SELENOI: variants seen among roughly 807,000 people sequenced by gnomAD.
The protein encoded by SELENOI is ethanolaminephosphotransferase 1.
In SELENOI, 24 loss-of-function variants were observed where a neutral mutation model predicts 50.7. The observed-to-expected ratio is 0.47, with a 90% CI of 0.34 to 0.67. SELENOI has a LOEUF of 0.67. Among genes scored for constraint, SELENOI ranks in the 30% least tolerant of loss-of-function variants. SELENOI has a pLI of 0.01. For synonymous variants in SELENOI, 155 were observed against 170.2 expected (o/e 0.91, Z 0.70); for missense variants, 352 against 461.4 (o/e 0.76, Z 2.17).
intron 4 of SELENOI, among the ~76,000 whole-genome samples, chr2:26,371,550 C>G (rs1677447208): frequency 6.6e-6 from 1 of 152,236 alleles, no homozygotes; most frequent in Non-Finnish European, 1.5e-5. Context: ...GATCACGCCA[C>G]TGCACTCCAG....
intron 6 of SELENOI, among the ~76,000 whole-genome samples, chr2:26,378,916 A>C (rs1677625245): frequency 6.6e-6 from 1 of 152,156 alleles, no homozygotes; most frequent in Non-Finnish European, 1.5e-5. Flanking sequence ...AAAGAACCAC[A>C]ATTGATGTAT....
At chr2:26,353,248 T>G (rs1676997298) in intron 1 of SELENOI, among the ~76,000 whole-genome samples, 1 of 152,178 alleles carries the variant, frequency 6.6e-6, no homozygotes, top group South Asian at 2.1e-4. Context: ...TTTGCACAGG[T>G]CACTTCTCTT....
chr2:26,369,046 T>A (rs1266791301), intron 4 of SELENOI, among the ~76,000 whole-genome samples: 1 of 152,364 alleles, frequency 6.6e-6, no homozygotes, highest in Non-Finnish European at 1.5e-5. Flanking sequence ...TTAATCTGAA[T>A]TTTTTCAGTT....
Position 26,364,940 on chromosome 2 carries a change from G to A in SELENOI, c.235G>A (p.Ala79Thr), listed in dbSNP as rs769174250. 6.4e-7 allele frequency: 1 copy of A among 1,572,286 alleles called. No individual in the cohort carries two copies. The highest frequency in any genetic ancestry group is 8.6e-7 in the Non-Finnish European group (1 of 1,156,596). Residue 79 changes from alanine to threonine, a missense_variant and splice_region_variant, in exon 3 of 10, where the codon GCA (alanine) becomes ACA (threonine). By Grantham distance (58) the Ala-to-Thr change is moderately conservative. Coordinates refer to ENST00000260585, the MANE Select transcript of SELENOI (RefSeq NM_033505.4). ...AYFDPDFYAS[A>T]PGHKHVPDWV... ...CTTTGATCCTGACTTTTATGCCTCA[G>A]GTAAGAATATTACTTTATTATAAAA... is the stretch of plus-strand genomic sequence containing the variant.
intron 4 of SELENOI, among the ~76,000 whole-genome samples, chr2:26,371,904 G>A (rs1310653928): frequency 6.6e-6 from 1 of 151,750 alleles, no homozygotes; most frequent in Non-Finnish European, 1.5e-5. Context: ...AGAGGGAGAG[G>A]GAGAGGGAGC....
chr2:26,381,589 A>G (rs1677703793), intron 6 of SELENOI, among the ~76,000 whole-genome samples: 1 of 152,150 alleles, frequency 6.6e-6, no homozygotes. Flanking sequence ...CCAACACCTC[A>G]GAGCTACAAG....
At chr2:26,384,403 C>G (rs1001696850) in intron 7 of SELENOI, among the ~76,000 whole-genome samples, 2 of 152,092 alleles carry the variant, frequency 1.3e-5, no homozygotes, top group Admixed American at 6.5e-5. Flanking sequence ...TGATCAATGG[C>G]GGAAGCAGGA....
At chr2:26,377,181 A>C (rs973798161) in intron 6 of SELENOI, among the ~76,000 whole-genome samples, 1 of 152,234 alleles carries the variant, frequency 6.6e-6, no homozygotes, top group Non-Finnish European at 1.5e-5. Context: ...ACTGTCCTAA[A>C]AGTAATTTTC....
chr2:26,380,396 T>G (rs535217083), intron 6 of SELENOI, among the ~76,000 whole-genome samples: 15 of 152,180 alleles, frequency 9.9e-5, no homozygotes, highest in Non-Finnish European at 1.9e-4. Flanking sequence ...TACTGTGCCT[T>G]TTTTCCTCCC....
intron 1 of SELENOI, among the ~76,000 whole-genome samples, chr2:26,360,619 CG>C (rs1287412902): frequency 3.9e-5 from 6 of 152,178 alleles, no homozygotes; most frequent in Admixed American, 1.3e-4. Flanking sequence ...ATATCTTAAA[CG>C]GTTTTCTTCT....
rs1355820634 is a variant in SELENOI, at chr2:26,395,542, C to CT, written c.*6440dup. On this transcript the variant is annotated 3_prime_UTR_variant, in exon 10 of 10. Coordinates refer to ENST00000260585, the MANE Select transcript of SELENOI (RefSeq NM_033505.4). ...GCTGCGGGCTTGCTGGGGGAGAACT[C>CT]TAACTGTTGCAGAAACAGAGCTTCA... 2.0e-5 allele frequency: 3 copies of CT among 152,752 alleles called. No homozygotes were observed. Among genetic ancestry groups the CT allele is most frequent in the East Asian group, 3.8e-4 (2 of 5,198 alleles). 9.5% of individuals were successfully genotyped at this position (152,752 alleles called of 1,614,324 possible). A position where few individuals can be genotyped will look rare whatever the true frequency, so the allele number is the denominator to read the frequency against.
At chr2:26,378,081 C>G (rs1677605577) in intron 6 of SELENOI, among the ~76,000 whole-genome samples, 1 of 152,046 alleles carries the variant, frequency 6.6e-6, no homozygotes, top group African/African-American at 2.4e-5. Context: ...TTAGCCAGGT[C>G]TCTTGGGGGT....
intron 3 of SELENOI, among the ~76,000 whole-genome samples, chr2:26,365,911 C>T (rs1311035253): frequency 2.7e-5 from 4 of 150,908 alleles, no homozygotes; most frequent in Non-Finnish European, 4.4e-5. Context: ...AAGCGATTCT[C>T]CTGCCTCAGC....
intron 7 of SELENOI, 135 bp downstream of exon 7, chr2:26,383,482 A>G (rs1234525553): frequency 9.9e-6 from 6 of 604,632 alleles, no homozygotes; most frequent in Non-Finnish European, 1.2e-5. Flanking sequence ...TAAATCTTTA[A>G]TGGGGTAGGA....
Position 26,364,818 on chromosome 2 carries a change from T to C in SELENOI, c.127-14T>C, listed in dbSNP as rs1677253534. On this transcript the variant is annotated splice_polypyrimidine_tract_variant and intron_variant, in intron 2 of 9. Transcript: ENST00000260585. ...CTCTACTTTAATTATTTTATAATTATTTTGCAAAAATAGGTATTTCCTACT... is the reference window on the plus strand; with the variant it reads ...CTCTACTTTAATTATTTTATAATTACTTTGCAAAAATAGGTATTTCCTACT... The C allele has an allele frequency of 6.3e-7, 1 of 1,578,988 alleles. No individual in the cohort carries two copies. The highest frequency in any genetic ancestry group is 8.6e-7 in the Non-Finnish European group (1 of 1,156,322).
intron 6 of SELENOI, among the ~76,000 whole-genome samples, chr2:26,375,981 G>A (rs1421025208): frequency 6.6e-6 from 1 of 151,706 alleles, no homozygotes; most frequent in East Asian, 2.0e-4. Flanking sequence ...GCGTGCACCT[G>A]TAATGCTAGC....
chr2:26,372,042 G>A (rs1677467429), intron 4 of SELENOI, among the ~76,000 whole-genome samples: 2 of 152,048 alleles, frequency 1.3e-5, no homozygotes, highest in African/African-American at 4.8e-5. Flanking sequence ...AGCCTAAAGA[G>A]AACCTTTCCC....
intron 1 of SELENOI, among the ~76,000 whole-genome samples, chr2:26,352,407 A>C (rs534727934): frequency 6.6e-6 from 1 of 152,350 alleles, no homozygotes; most frequent in African/African-American, 2.4e-5. Flanking sequence ...GATTCTAAAG[A>C]TAGACGTCAA....
rs1427965239 is a variant in SELENOI, at chr2:26,391,435, A to G, written c.*2332A>G. 6.6e-6 allele frequency: 1 copy of G among 152,242 alleles called. No homozygotes were observed. Among genetic ancestry groups the G allele is most frequent in the East Asian group, 1.9e-4 (1 of 5,198 alleles). 9.4% of individuals were successfully genotyped at this position (152,242 alleles called of 1,614,324 possible). ...GCTGAAGCAGGACTTCATTCCAGAT[A>G]GCTGTGTGCATTTATGTCATGCCAA... On this transcript the variant is annotated 3_prime_UTR_variant, in exon 10 of 10. Transcript: ENST00000260585.
Sources: allele counts gnomAD v4.1 joint callset (sites outside exome capture counted in the v4.1 genomes callset), GRCh38; gene constraint gnomAD v4.1.1; transcripts MANE v1.5; gene names NCBI Gene and HGNC (gene_info 2026-07-23, HGNC 2026-07-21).